Variants in GLIS2 observed in about 807,000 individuals in gnomAD.
The protein encoded by GLIS2 is GLIS family zinc finger 2.
Under a neutral mutation model 35.6 loss-of-function variants are expected in GLIS2, and 14 were observed. That is an observed-to-expected ratio of 0.39 (90% confidence interval 0.26 to 0.61). The LOEUF (loss-of-function observed/expected upper bound fraction) is 0.61. Among genes scored for constraint, GLIS2 ranks in the 20% least tolerant of loss-of-function variants. GLIS2 has a pLI of 0.48. For synonymous variants in GLIS2, 368 were observed against 325.1 expected, an observed-to-expected ratio of 1.13 and a Z score of -1.42; for missense variants, 675 against 713.4, an observed-to-expected ratio of 0.95 and a Z score of 0.61.
chr16:4,332,251 G>C lies in GLIS2; in HGVS notation c.-30G>C. On this transcript the variant is annotated 5_prime_UTR_variant, in exon 2 of 7. Coordinates refer to ENST00000433375, the MANE Select transcript of GLIS2 (RefSeq NM_032575.3). The surrounding 1 kb of genome is among the most constrained non-coding windows in gnomAD (Gnocchi z 5.4). ...AAGACCAGCTGGGAGCCCACTGCCT[G>C]CTGCCACCTCCAACTCCGGCCCCCT... 1 of 1,607,920 alleles carries C rather than the reference G, an allele frequency of 6.2e-7. No individual in the cohort carries two copies. Among genetic ancestry groups the C allele is most frequent in the Non-Finnish European group, 8.5e-7 (1 of 1,178,152 alleles).
rs1344345861 is a variant in GLIS2, at chr16:4,339,091, C to T, written c.*1567C>T. ...TCTGTCCCAGAGGGGTCACCCTGAC[C>T]CGGCCCACCTTGCCACTGGGCTTTG... On this transcript the variant is annotated 3_prime_UTR_variant, in exon 7 of 7. Transcript: ENST00000433375. The T allele has an allele frequency of 1.3e-5, 2 of 152,546 alleles. No homozygotes were observed. Among genetic ancestry groups the T allele is most frequent in the East Asian group, 3.8e-4 (2 of 5,202 alleles). 9.4% of individuals were successfully genotyped at this position (152,546 alleles called of 1,614,324 possible). A position where few individuals can be genotyped will look rare whatever the true frequency, so the allele number is the denominator to read the frequency against.
At chr16:4,326,393 C>T (rs138057033) in intron 1 of GLIS2, 3 of 152,372 alleles carry the variant, frequency 2.0e-5, no homozygotes, top group East Asian at 3.9e-4. Flanking sequence ...GTGTTCCTCA[C>T]ATTGCCCTTG....
In GLIS2 at chr16:4,337,646, G is replaced by T; in HGVS notation, c.*122G>T. ...TGCCCGGGCAGCCCCAGCCCAGCCC[G>T]CCGGGAGCAAGGATGGTGCTAGGTC... On this transcript the variant is annotated 3_prime_UTR_variant, in exon 7 of 7. Coordinates refer to ENST00000433375, the MANE Select transcript of GLIS2 (RefSeq NM_032575.3). 2 of 1,410,400 alleles carry T rather than the reference G, an allele frequency of 1.4e-6. No individual in the cohort carries two copies. The highest frequency in any genetic ancestry group is 2.5e-5 in the East Asian group (1 of 40,248). The allele number at this position is 1,410,400 out of a possible 1,614,324, so 87.4% of individuals were successfully genotyped here. A position where few individuals can be genotyped will look rare whatever the true frequency, so the allele number is the denominator to read the frequency against.
At chr16:4,336,600 C>A in intron 6 of GLIS2, 125 bp from the exon 7 acceptor site, 1 of 955,634 alleles carries the variant, frequency 1.0e-6, no homozygotes, top group Non-Finnish European at 1.6e-6. Context: ...ATGCCCCCTG[C>A]CCCCAGAATT....
At chr16:4,329,034 G>C (rs1164662160) in intron 1 of GLIS2, 1 of 152,302 alleles carries the variant, frequency 6.6e-6, no homozygotes, top group Non-Finnish European at 1.5e-5. Context: ...GCCAGCCAAG[G>C]GACCAGGCCA....
Position 4,337,297 on chromosome 16 carries a change from T to G in GLIS2, c.1348T>G (p.Ser450Ala), listed in dbSNP as rs779447018. The change falls in exon 7 of 7, where the codon TCG becomes GCG. Residue 450 changes from serine (S) to alanine (A), a missense_variant. Ser to Ala is a moderately conservative substitution (Grantham distance 99, BLOSUM62 1). Around this residue, in one of 3 missense-constraint regions of GLIS2, gnomAD observed 317 missense variants for 283.2 expected, o/e 1.12. Transcript: ENST00000433375. Reference sequence around the variant, plus strand: ...GGCCGAGGGGGAGAAGGGGCGTGGGTCGGTGCCCACCAGGGCCCTGGGCAT... The same window carrying G: ...GGCCGAGGGGGAGAAGGGGCGTGGGGCGGTGCCCACCAGGGCCCTGGGCAT... ...GKAEGEKGRG[S>A]VPTRALGMEG... The G allele has an allele frequency of 4.0e-5, 62 of 1,557,428 alleles. No individual in the cohort carries two copies. The highest frequency in any genetic ancestry group is 4.9e-5 in the Non-Finnish European group (57 of 1,152,720).
At chr16:4,317,913 C>G (rs569553408) in intron 1 of GLIS2, among the ~76,000 whole-genome samples, 1 of 152,166 alleles carries the variant, frequency 6.6e-6, no homozygotes, top group Non-Finnish European at 1.5e-5. Context: ...TGTGCCTGCC[C>G]GCCCTTCCCT....
intron 1 of GLIS2, among the ~76,000 whole-genome samples, chr16:4,323,471 A>G (rs965390112): frequency 4.6e-5 from 7 of 152,028 alleles, no homozygotes; most frequent in Non-Finnish European, 1.0e-4. Context: ...GGGGGGGTGG[A>G]GGCCACTGCA....
rs2053368700 is a variant in GLIS2, at chr16:4,320,659, A to C, written c.-67+4405A>C. 6.6e-6 allele frequency among the ~76,000 whole-genome samples: 1 copy of C among 152,076 alleles called. No individual in the cohort carries two copies. The highest frequency in any genetic ancestry group is 2.4e-5 in the African/African-American group (1 of 41,414). On this transcript the variant is annotated intron_variant, in intron 1 of 6. Coordinates refer to ENST00000433375, the MANE Select transcript of GLIS2 (RefSeq NM_032575.3). This position sits in a 1 kb window ranked among gnomAD's most constrained non-coding sequence, Gnocchi z 5.6. ...CTGCATCGTCTGCCTGGGGCTGTCT[A>C]GCAAGTCCCGGCCTGCCTGGGCCAG...
intron 3 of GLIS2, among the ~76,000 whole-genome samples, chr16:4,334,586 CT>C (rs2053530429): frequency 6.6e-6 from 1 of 151,478 alleles, no homozygotes; most frequent in South Asian, 2.1e-4. Flanking sequence ...ACACCAGTCA[CT>C]GGGTGTTGGG....
At chr16:4,329,413 C>A (rs1353811445) in intron 1 of GLIS2, among the ~76,000 whole-genome samples, 1 of 152,218 alleles carries the variant, frequency 6.6e-6, no homozygotes, top group Non-Finnish European at 1.5e-5. Flanking sequence ...GAATCGCAGA[C>A]CTAGGTCCCA....
chr16:4,315,505 A>C (rs553283977), upstream of GLIS2: 1 of 150,630 alleles, frequency 6.6e-6, no homozygotes, highest in Non-Finnish European at 1.5e-5. Flanking sequence ...CGCCGCCGCG[A>C]CCTCCTCCAT....
In GLIS2 at chr16:4,335,189, G is replaced by A; in HGVS notation, c.652G>A (p.Ala218Thr). Residue 218 changes from alanine to threonine, a missense_variant, in exon 5 of 7, where the codon GCC (alanine) becomes ACC (threonine). Coordinates refer to ENST00000433375, the MANE Select transcript of GLIS2 (RefSeq NM_032575.3). The surrounding 1 kb of genome is among the most constrained non-coding windows in gnomAD (Gnocchi z 4.6). Reference sequence around the variant, plus strand: ...CGCCCGCCATGGCCGAGGTTTCAACGCCAGGTGAGGTGGGGGAGAGAGGGG... The same window carrying A: ...CGCCCGCCATGGCCGAGGTTTCAACACCAGGTGAGGTGGGGGAGAGAGGGG... ...GCARHGRGFNARYKMLIHIRT... is the reference protein window; with the variant it reads ...GCARHGRGFNTRYKMLIHIRT... 1 of 1,613,526 alleles carries A rather than the reference G, an allele frequency of 6.2e-7. No individual in the cohort carries two copies. The highest frequency in any genetic ancestry group is 8.5e-7 in the Non-Finnish European group (1 of 1,180,022).
chr16:4,320,240 C>G lies in GLIS2; in HGVS notation c.-67+3986C>G, dbSNP rs534835834. 6.6e-6 allele frequency among the ~76,000 whole-genome samples: 1 copy of G among 152,042 alleles called. No individual in the cohort carries two copies. The highest frequency in any genetic ancestry group is 2.4e-5 in the African/African-American group (1 of 41,374). ...CCCTTCCTCCAGTCATGGCCAAGGG[C>G]GGGTGGGAAGCCAGCAGAGGCCCCA... On this transcript the variant is annotated intron_variant, in intron 1 of 6. Coordinates refer to ENST00000433375, the MANE Select transcript of GLIS2 (RefSeq NM_032575.3). The surrounding 1 kb of genome is among the most constrained non-coding windows in gnomAD (Gnocchi z 5.6).
upstream of GLIS2, among the ~76,000 whole-genome samples, chr16:4,316,029 C>T (rs1423289708): frequency 2.8e-5 from 4 of 144,868 alleles, no homozygotes; most frequent in East Asian, 6.4e-4. Context: ...GCCCGCCCTC[C>T]CTCTAAGACA....
chr16:4,322,652 C>T (rs1385350117), intron 1 of GLIS2, among the ~76,000 whole-genome samples: 1 of 151,926 alleles, frequency 6.6e-6, no homozygotes, highest in Non-Finnish European at 1.5e-5. Context: ...TCCCACCCCA[C>T]CTTGGTCGGG....
At chr16:4,330,853 C>G (rs146113194) in intron 1 of GLIS2, among the ~76,000 whole-genome samples, 2 of 152,332 alleles carry the variant, frequency 1.3e-5, no homozygotes, top group South Asian at 2.1e-4. Context: ...ATCTCTGCAG[C>G]GCTGTGACAT....
chr16:4,319,464 G>A (rs2053351735), intron 1 of GLIS2, among the ~76,000 whole-genome samples: 1 of 152,184 alleles, frequency 6.6e-6, no homozygotes, highest in South Asian at 2.1e-4. Flanking sequence ...ACAGAGATGG[G>A]TTGAGGCCCT....
intron 1 of GLIS2, among the ~76,000 whole-genome samples, chr16:4,317,559 GC>G (rs2053327539): frequency 6.6e-6 from 1 of 152,128 alleles, no homozygotes; most frequent in Non-Finnish European, 1.5e-5. Flanking sequence ...AGCTGTCCAG[GC>G]CCAGCCCACA....
Sources: gnomAD v4.1 joint callset for allele counts (sites outside exome capture counted in the v4.1 genomes callset) on GRCh38, gnomAD v4.1.1 for gene constraint, gnomAD v4.1.1 regional missense constraint, Gnocchi (gnomAD v3.1) non-coding constraint, MANE v1.5 for transcripts, NCBI Gene and HGNC (gene_info 2026-07-23, HGNC 2026-07-21) for gene names.